Variants in USP18 observed in about 807,000 individuals in gnomAD.
USP18 encodes ubl carboxyl-terminal hydrolase 18.
A neutral mutation model predicts 48.7 loss-of-function variants in USP18; 11 were observed. That is an observed-to-expected ratio of 0.23 (90% CI 0.14 to 0.37). USP18 has a LOEUF of 0.37. Among genes scored for constraint, USP18 ranks in the 10% least tolerant of loss-of-function variants. USP18 has a pLI of 1.00. For synonymous variants in USP18, 114 were observed against 163.2 expected, an observed-to-expected ratio of 0.70 and a Z score of 2.30; for missense variants, 285 against 436.4, an observed-to-expected ratio of 0.65 and a Z score of 3.09.
intron 8 of USP18, among the ~76,000 whole-genome samples, chr22:18,171,788 AGAACC>A (rs1929634566): frequency 6.6e-6 from 1 of 152,138 alleles, no homozygotes; most frequent in African/African-American, 2.4e-5. Flanking sequence ...TTTATGCTCT[AGAACC>A]ATGACATTTA....
chr22:18,167,689 C>T (rs1929512167), intron 5 of USP18, among the ~76,000 whole-genome samples: 2 of 123,496 alleles, frequency 1.6e-5, no homozygotes, highest in Admixed American at 8.7e-5. Flanking sequence ...CAGAGCGAGA[C>T]TCTGTCTCAA....
intron 2 of USP18, 127 bp downstream of exon 2, chr22:18,157,947 CTT>C (rs1929217467): frequency 7.5e-7 from 1 of 1,324,570 alleles, no homozygotes; most frequent in Non-Finnish European, 1.0e-6. Context: ...GTTTCTGCAT[CTT>C]TTAGATGGGG....
intron 8 of USP18, among the ~76,000 whole-genome samples, chr22:18,172,557 A>G (rs964463244): frequency 1.3e-5 from 2 of 150,488 alleles, no homozygotes; most frequent in Non-Finnish European, 3.0e-5. Flanking sequence ...ATTTGGTTGA[A>G]TATTTTTTTC....
chr22:18,156,227 C>A (rs917412756), intron 1 of USP18, among the ~76,000 whole-genome samples: 1 of 151,946 alleles, frequency 6.6e-6, no homozygotes, highest in African/African-American at 2.4e-5. Flanking sequence ...CCCATCAGCA[C>A]CCTGTCAAAA....
chr22:18,167,753 A>C (rs1417745161), intron 5 of USP18, 137 bp from the exon 6 acceptor site: 25 of 948,070 alleles, frequency 2.6e-5, no homozygotes, highest in African/African-American at 1.7e-5. Context: ...CACTTATCAC[A>C]GTTTCATAAT....
intron 5 of USP18, 56 bp from the exon 6 acceptor site, chr22:18,167,834 C>A: frequency 6.4e-7 from 1 of 1,562,808 alleles, no homozygotes. Flanking sequence ...TGGCAGTTGG[C>A]CTGACCTGGC....
rs776055895 is a variant in USP18 at position 18,175,992 on chromosome 22, TAAAC to T, written c.1074-776_1074-773del. Among the ~76,000 whole-genome samples the T allele has an allele frequency of 8.1e-3, 1,019 of 126,538 alleles. 4 individuals are homozygous for T. The highest frequency in any genetic ancestry group is 0.01 in the Non-Finnish European group (634 of 61,450). 83.0% of individuals were successfully genotyped at this position (126,538 alleles called of 152,430 possible). ...GAGCAAGAACGGTCTCGTCAAAAAA[TAAAC>T]AAAAGGCTGGGCACGGTGGCTCACG... On this transcript the variant is annotated intron_variant, in intron 10 of 10. Transcript: ENST00000215794.
At chr22:18,160,878 T>C (rs979604278) in intron 3 of USP18, among the ~76,000 whole-genome samples, 9 of 150,484 alleles carry the variant, frequency 6.0e-5, no homozygotes, top group Non-Finnish European at 1.0e-4. Flanking sequence ...CAAGGGATTC[T>C]CCTGCCTCAG....
chr22:18,168,074 T>A, intron 6 of USP18, 38 bp downstream of exon 6: 1 of 1,608,150 alleles, frequency 6.2e-7, no homozygotes, highest in Non-Finnish European at 8.5e-7. Context: ...CCCCTGTATG[T>A]GTTAGTCCAT....
intron 4 of USP18, among the ~76,000 whole-genome samples, chr22:18,163,672 A>G (rs564293488): frequency 9.6e-4 from 146 of 151,908 alleles, no homozygotes; most frequent in African/African-American, 3.4e-3. Context: ...AAGAAAAAAG[A>G]AAAAAAGAAA....
chr22:18,152,434 G>A (rs959575810), intron 1 of USP18, among the ~76,000 whole-genome samples: 4 of 150,376 alleles, frequency 2.7e-5, no homozygotes, highest in African/African-American at 9.9e-5. Context: ...ATAACATTTC[G>A]GGAAGATCAT....
At chr22:18,174,975 AG>A (rs1476149928) in intron 10 of USP18, among the ~76,000 whole-genome samples, 1 of 152,122 alleles carries the variant, frequency 6.6e-6, no homozygotes, top group Non-Finnish European at 1.5e-5. Context: ...GTGCAGTAGC[AG>A]GATCTCAGCT....
At chr22:18,171,625 C>T (rs950938211) in intron 8 of USP18, among the ~76,000 whole-genome samples, 26 of 151,864 alleles carry the variant, frequency 1.7e-4, no homozygotes, top group Middle Eastern at 3.4e-3. Flanking sequence ...CGCAAGACCC[C>T]GTCTCTAAAA....
intron 2 of USP18, among the ~76,000 whole-genome samples, chr22:18,158,145 G>A (rs767000099): frequency 1.3e-5 from 2 of 152,150 alleles, no homozygotes; most frequent in African/African-American, 2.4e-5. Flanking sequence ...AAAATTAGCT[G>A]GGCGCAGTGG....
At chr22:18,164,078 A>G (rs2123734807) in intron 4 of USP18, among the ~76,000 whole-genome samples, 1 of 152,370 alleles carries the variant, frequency 6.6e-6, no homozygotes, top group Middle Eastern at 3.4e-3. Flanking sequence ...CCAGGGGCCT[A>G]GCGAATGCTG....
intron 10 of USP18, among the ~76,000 whole-genome samples, chr22:18,175,818 A>AT (rs1296815483): frequency 1.3e-5 from 2 of 149,834 alleles, no homozygotes; most frequent in Non-Finnish European, 2.9e-5. Context: ...CTACAAAAAA[A>AT]TAAAAATTAT....
chr22:18,156,273 G>T (rs372989555), intron 1 of USP18, among the ~76,000 whole-genome samples: 9 of 152,272 alleles, frequency 5.9e-5, no homozygotes, highest in African/African-American at 2.2e-4. Flanking sequence ...AGACCAATTG[G>T]CTGTCTATAA....
chr22:18,162,287 G>GT (rs869289414), intron 4 of USP18, among the ~76,000 whole-genome samples: 8,136 of 137,206 alleles, frequency 0.059, 363 homozygotes, highest in African/African-American at 0.12. Context: ...AATAGGTTAG[G>GT]TTTTTTTTTT....
chr22:18,168,272 C>T (rs1413598282), intron 6 of USP18, among the ~76,000 whole-genome samples: 1 of 152,142 alleles, frequency 6.6e-6, no homozygotes, highest in Non-Finnish European at 1.5e-5. Flanking sequence ...AATGTGCCAG[C>T]TCAAATCTCT....
Sources: allele counts gnomAD v4.1 joint callset (sites outside exome capture counted in the v4.1 genomes callset), GRCh38; gene constraint gnomAD v4.1.1; transcripts MANE v1.5; gene names NCBI Gene and HGNC (gene_info 2026-07-23, HGNC 2026-07-21).